Variants in SPON2 observed in about 807,000 individuals in gnomAD.
The protein encoded by SPON2 is spondin-2.
A neutral mutation model predicts 29.9 loss-of-function variants in SPON2; 32 were observed. The ratio of observed to expected loss-of-function variants is 1.07; its 90% CI spans 0.81 to 1.44. The LOEUF (loss-of-function observed/expected upper bound fraction) is 1.44, where lower values mean the gene tolerates loss of function less well. Among genes scored for constraint, SPON2 ranks in the 40% most tolerant of loss-of-function variants. The pLI, the probability that SPON2 is intolerant of heterozygous loss-of-function variation, is 0.00. For missense variants in SPON2, 541 were observed against 455.5 expected (o/e 1.19, Z -1.71); for synonymous variants, 248 against 209.1 (o/e 1.19, Z -1.61).
intron 1 of SPON2, among the ~76,000 whole-genome samples, chr4:1,193,814 TG>T (rs577714990): frequency 1.0e-3 from 10 of 10,006 alleles, no homozygotes; most frequent in African/African-American, 1.9e-3. Flanking sequence ...GGGAAGGACG[TG>T]GGGGGGTGGC....
intron 1 of SPON2, among the ~76,000 whole-genome samples, chr4:1,179,727 T>C (rs964521834): frequency 6.6e-6 from 1 of 152,142 alleles, no homozygotes; most frequent in Non-Finnish European, 1.5e-5. Context: ...ACATTTGTGA[T>C]AAAAACTAAC....
rs1261866599 is a variant in SPON2 at position 1,167,426 on chromosome 4, A to G, written c.*46T>C. 8.3e-6 allele frequency: 13 copies of G among 1,569,748 alleles called. No individual in the cohort carries two copies. On this transcript the variant is annotated 3_prime_UTR_variant, in exon 6 of 6. Coordinates refer to ENST00000290902, the MANE Select transcript of SPON2 (RefSeq NM_012445.4). ...GCATGAGCCTGCACAGGAGCCCCCG[A>G]CACCCCATGGCTCCGGGGGGCCCCA...
At chr4:1,173,397 G>A (rs981341102), upstream of SPON2, among the ~76,000 whole-genome samples, 5 of 152,060 alleles carry the variant, frequency 3.3e-5, no homozygotes, top group African/African-American at 2.4e-5. Flanking sequence ...CAGAAAGGGG[G>A]CCCCCCTCCC....
At chr4:1,183,709 A>C (rs542957731) in intron 1 of SPON2, among the ~76,000 whole-genome samples, 10 of 152,320 alleles carry the variant, frequency 6.6e-5, no homozygotes, top group African/African-American at 2.4e-4. Flanking sequence ...AAAGGAGTAG[A>C]ATTTATTGAA....
chr4:1,174,169 T>C (rs966911024), upstream of SPON2, among the ~76,000 whole-genome samples: 1 of 151,812 alleles, frequency 6.6e-6, no homozygotes, highest in African/African-American at 2.4e-5. Flanking sequence ...AGGTCAAGCC[T>C]GCAGTGAACT....
Position 1,167,588 on chromosome 4 carries a change from C to G in SPON2, c.880G>C (p.Gly294Arg). ...SSWGLCGGHC[G>R]RLGTKSRTRY... ...GTCCTGCTCTTGGTCCCGAGCCTCC[C>G]ACAGTGGCCTCCGCACAGTCCCCAG... The change falls in exon 6 of 6, where the codon GGG (glycine) becomes CGG (arginine). Residue 294 changes from glycine (G) to arginine (R), a missense_variant. Physicochemically the swap from Gly to Arg is moderately radical, Grantham distance 125 (BLOSUM62 -2). Coordinates refer to ENST00000290902, the MANE Select transcript of SPON2 (RefSeq NM_012445.4). The G allele has an allele frequency of 8.7e-6, 14 of 1,613,594 alleles. No homozygotes were observed. Among genetic ancestry groups the G allele is most frequent in the Non-Finnish European group, 1.2e-5 (14 of 1,180,000 alleles).
At chr4:1,198,580 G>A (rs1221413861), upstream of SPON2, among the ~76,000 whole-genome samples, 3 of 151,902 alleles carry the variant, frequency 2.0e-5, no homozygotes, top group East Asian at 1.9e-4. Context: ...CAGCATCAGC[G>A]GATTCTACAC....
intron 2 of SPON2, among the ~76,000 whole-genome samples, chr4:1,179,044 A>G (rs1295670203): frequency 6.6e-6 from 1 of 152,210 alleles, no homozygotes. Flanking sequence ...TCAGCTTTGC[A>G]GCCTCTGCAG....
At chr4:1,206,201 C>T (rs1230792999) in intron 1 of SPON2, among the ~76,000 whole-genome samples, 2 of 152,212 alleles carry the variant, frequency 1.3e-5, no homozygotes, top group East Asian at 3.9e-4. Flanking sequence ...CTCATGTGTG[C>T]CCCCACGGGA....
chr4:1,167,792 C>G (rs1475698486), intron 5 of SPON2, 136 bp from the exon 6 acceptor site: 1 of 930,774 alleles, frequency 1.1e-6, no homozygotes, highest in African/African-American at 1.7e-5. Flanking sequence ...CGTTTCTCCG[C>G]ACAGTCGCAG....
At chr4:1,201,684 G>A (rs1255549378) in intron 1 of SPON2, among the ~76,000 whole-genome samples, 4 of 152,084 alleles carry the variant, frequency 2.6e-5, no homozygotes, top group East Asian at 3.9e-4. Flanking sequence ...CTGGGTTCAC[G>A]CCATCCTCCT....
chr4:1,195,457 G>A (rs1329527564), upstream of SPON2, among the ~76,000 whole-genome samples: 4 of 151,716 alleles, frequency 2.6e-5, no homozygotes, highest in Non-Finnish European at 4.4e-5. Context: ...CTAAGTCCTC[G>A]GCCCCTTGGA....
rs772379430 is a variant in SPON2 at position 1,171,449 on chromosome 4, C to T, written c.258G>A (p.Lys86=). The T allele has an allele frequency of 8.7e-6, 14 of 1,612,106 alleles. No homozygotes were observed. In the East Asian group the frequency reaches 8.9e-5, roughly 10 times the overall value. ...GCAGCCCGTTACTGACGTACTGGTT[C>T]TTCCTCCACATGCTGTAGTCGGAGC... is the stretch of plus-strand genomic sequence containing the variant. ...AHSSDYSMWR[K]NQYVSNGLRD... The change falls in exon 3 of 6, where the codon AAG becomes AAA. Residue 86 remains lysine (K), a synonymous_variant. Transcript: ENST00000290902.
At chr4:1,183,261 AAG>A (rs1727733541) in intron 1 of SPON2, among the ~76,000 whole-genome samples, 7 of 151,350 alleles carry the variant, frequency 4.6e-5, no homozygotes, top group African/African-American at 1.7e-4. Context: ...AAAAACAAAA[AAG>A]AAAGAGAGAG....
upstream of SPON2, among the ~76,000 whole-genome samples, chr4:1,198,798 A>C (rs762495539): frequency 6.6e-6 from 1 of 152,236 alleles, no homozygotes; most frequent in Admixed American, 6.5e-5. Flanking sequence ...GGTACTGAAA[A>C]GAAAACTGAC....
chr4:1,207,408 G>A (rs996958504), intron 1 of SPON2, among the ~76,000 whole-genome samples: 2 of 152,182 alleles, frequency 1.3e-5, no homozygotes, highest in Non-Finnish European at 2.9e-5. Context: ...AGTGAGTGGC[G>A]AGCCCTCCAC....
At chr4:1,205,815 A>G (rs1310297313) in intron 1 of SPON2, among the ~76,000 whole-genome samples, 1 of 152,198 alleles carries the variant, frequency 6.6e-6, no homozygotes, top group African/African-American at 2.4e-5. Context: ...GAAGCTGTGC[A>G]GGCCCTCGGC....
At chr4:1,195,699 C>T (rs1307493135), upstream of SPON2, among the ~76,000 whole-genome samples, 1 of 152,144 alleles carries the variant, frequency 6.6e-6, no homozygotes, top group African/African-American at 2.4e-5. Flanking sequence ...CCTGGGATGC[C>T]CCTGCCCCAG....
At chr4:1,208,836 CACAA>C (rs1407453551), upstream of SPON2, 2 of 152,506 alleles carry the variant, frequency 1.3e-5, no homozygotes, top group African/African-American at 4.8e-5. Context: ...ATCGCCAGTT[CACAA>C]ACACACATGC....
Sources: gnomAD v4.1 joint callset for allele counts (sites outside exome capture counted in the v4.1 genomes callset) on GRCh38, gnomAD v4.1.1 for gene constraint, MANE v1.5 for transcripts, NCBI Gene and HGNC (gene_info 2026-07-23, HGNC 2026-07-21) for gene names.